Variants in UHRF1 observed in about 807,000 individuals in gnomAD.
UHRF1 encodes ubiquitin like with PHD and ring finger domains 1, also known as E3 ubiquitin-protein ligase UHRF1.
A neutral mutation model predicts 96.5 loss-of-function variants in UHRF1; 9 were observed. The ratio of observed to expected loss-of-function variants is 0.09; its 90% CI spans 0.06 to 0.16. The LOEUF (loss-of-function observed/expected upper bound fraction) is 0.16. Ranked by LOEUF, UHRF1 falls within the 10% of genes least tolerant of loss-of-function variation. The probability of loss-of-function intolerance (pLI) is 1.00; values close to 1 mark genes in which losing one functional copy is unlikely to be tolerated. For synonymous variants in UHRF1, 455 were observed against 469.9 expected (o/e 0.97, Z 0.41); for missense variants, 626 against 1,131.1 (o/e 0.55, Z 6.40).
chr19:4,921,661 G>C (rs1285875509), intron 2 of UHRF1, among the ~76,000 whole-genome samples: 3 of 152,102 alleles, frequency 2.0e-5, no homozygotes, highest in South Asian at 4.1e-4. Flanking sequence ...AGGGGCCGAG[G>C]CGGGAGGGTT....
chr19:4,912,591 A>G (rs1419910656), intron 2 of UHRF1, among the ~76,000 whole-genome samples: 5 of 152,140 alleles, frequency 3.3e-5, no homozygotes, highest in Non-Finnish European at 7.3e-5. Context: ...ATTCTGACTT[A>G]TTAGGTTTAT....
At chr19:4,955,084 C>G (rs929951949) in intron 15 of UHRF1, among the ~76,000 whole-genome samples, 1 of 152,010 alleles carries the variant, frequency 6.6e-6, no homozygotes, top group Non-Finnish European at 1.5e-5. Context: ...TGCTCCCCAG[C>G]CCCTGCACCC....
At position 4,947,408 on chromosome 19, in the gene UHRF1, C is replaced by G. The variant is rs949197659; in HGVS notation, c.1517+197C>G. On this transcript the variant is annotated intron_variant, in intron 11 of 16. Transcript: ENST00000650932. Reference sequence around the variant, plus strand: ...GTGAGCCACTGCGCCTGGTCTGGTTCCTCCCGTATGTGTGCCACATACCGT... The same window carrying G: ...GTGAGCCACTGCGCCTGGTCTGGTTGCTCCCGTATGTGTGCCACATACCGT... Among the ~76,000 whole-genome samples the G allele has an allele frequency of 3.4e-5, 5 of 148,934 alleles. No individual in the cohort carries two copies. In the Middle Eastern group the frequency reaches 0.014, roughly 429 times the overall value.
chr19:4,960,623 A>T (rs1309530729), intron 16 of UHRF1, 34 bp from the exon 17 acceptor site: 1 of 1,607,310 alleles, frequency 6.2e-7, no homozygotes, highest in Non-Finnish European at 8.5e-7. Flanking sequence ...GATGGTGTGG[A>T]TGGCACTTCT....
At chr19:4,924,300 C>A (rs2032798757) in intron 2 of UHRF1, among the ~76,000 whole-genome samples, 1 of 152,204 alleles carries the variant, frequency 6.6e-6, no homozygotes, top group Non-Finnish European at 1.5e-5. Context: ...CAGGTGCCCG[C>A]CACCACGCCT....
rs1455897394 is a variant in UHRF1, at chr19:4,945,847, G to A, written c.1306-14G>A. 6.3e-7 allele frequency: 1 copy of A among 1,596,666 alleles called. No homozygotes were observed. The highest frequency in any genetic ancestry group is 8.5e-7 in the Non-Finnish European group (1 of 1,171,878). On this transcript the variant is annotated splice_polypyrimidine_tract_variant and intron_variant, in intron 9 of 16. Coordinates refer to ENST00000650932, the MANE Select transcript of UHRF1 (RefSeq NM_001048201.3). ...TTGCAGAGGACACCATGTATATCTT[G>A]GTGGCATCCTCAGGTCAGCGAGTCG...
rs1200286664 is a variant in UHRF1, at chr19:4,929,407, G to A, written c.339G>A (p.Ala113=). ...ACAAGTCCTCCACCCACGGTGAGGC[G>A]GCCGCCGAGACTGACAGCAGGCCAG... ...ESDKSSTHGE[A]AAETDSRPAD... The change falls in exon 3 of 17, where the codon GCG becomes GCA. Residue 113 remains alanine (A), a synonymous_variant. Coordinates refer to ENST00000650932, the MANE Select transcript of UHRF1 (RefSeq NM_001048201.3). 24 of 1,613,496 alleles carry A rather than the reference G, an allele frequency of 1.5e-5. No homozygotes were observed. Among genetic ancestry groups the A allele is most frequent in the African/African-American group, 6.7e-5 (5 of 74,926 alleles).
upstream of UHRF1, among the ~76,000 whole-genome samples, chr19:4,908,034 C>G (rs1334520145): frequency 6.6e-6 from 1 of 152,152 alleles, no homozygotes; most frequent in East Asian, 1.9e-4. Context: ...ATTGTAAAGC[C>G]TGCTTCCACT....
chr19:4,934,855 G>A (rs529231846), intron 5 of UHRF1, among the ~76,000 whole-genome samples: 5 of 152,160 alleles, frequency 3.3e-5, no homozygotes, highest in Non-Finnish European at 5.9e-5. Flanking sequence ...GGCCTTAAGC[G>A]CGTGGCTCGG....
chr19:4,917,035 A>C (rs1263894533), intron 2 of UHRF1, among the ~76,000 whole-genome samples: 2 of 147,514 alleles, frequency 1.4e-5, no homozygotes, highest in East Asian at 2.0e-4. Flanking sequence ...AGAGCCCCTG[A>C]ATGTGGCACG....
chr19:4,947,876 T>C (rs2033615678), intron 11 of UHRF1, among the ~76,000 whole-genome samples: 1 of 151,966 alleles, frequency 6.6e-6, no homozygotes. Context: ...GGCTCGAGGA[T>C]ACCTTGAGTT....
rs571381137 is a variant in UHRF1, at chr19:4,930,728, G to A, written c.421G>A (p.Val141Ile). ...ELGLYKVNEY[V>I]DARDTNMGAW... is the part of the protein sequence containing the mutation. ...TCATTCCTCACAGGTCAATGAGTAC[G>A]TCGATGCTCGGGACACGAACATGGG... Residue 141 changes from valine to isoleucine, a missense_variant, in exon 4 of 17, where the codon GTC becomes ATC. Coordinates refer to ENST00000650932, the MANE Select transcript of UHRF1 (RefSeq NM_001048201.3). The surrounding 1 kb of genome is among the most constrained non-coding windows in gnomAD (Gnocchi z 4.4). The A allele has an allele frequency of 1.4e-5, 23 of 1,613,814 alleles. No homozygotes were observed. The highest frequency in any genetic ancestry group is 3.3e-5 in the South Asian group (3 of 91,064).
At chr19:4,924,180 C>T (rs373650694) in intron 2 of UHRF1, among the ~76,000 whole-genome samples, 11 of 152,166 alleles carry the variant, frequency 7.2e-5, no homozygotes, top group East Asian at 1.9e-4. Flanking sequence ...GACGGAGTCT[C>T]GCTCTGTCGC....
At chr19:4,919,493 G>A (rs1056608615) in intron 2 of UHRF1, among the ~76,000 whole-genome samples, 1 of 151,830 alleles carries the variant, frequency 6.6e-6, no homozygotes, top group East Asian at 1.9e-4. Context: ...TAGTAGAGAT[G>A]GAGTTTCACT....
chr19:4,960,387 G>T (rs2033958109), intron 16 of UHRF1, among the ~76,000 whole-genome samples: 1 of 152,218 alleles, frequency 6.6e-6, no homozygotes, highest in Non-Finnish European at 1.5e-5. Context: ...GAGGTGACTT[G>T]AGCTGAGCTG....
intron 11 of UHRF1, among the ~76,000 whole-genome samples, chr19:4,950,247 T>A (rs752174200): frequency 7.9e-4 from 60 of 75,994 alleles, no homozygotes; most frequent in Non-Finnish European, 2.6e-4. Flanking sequence ...AAATATTAAA[T>A]TTTTTTTTTT....
chr19:4,904,677 C>G (rs774643017), upstream of UHRF1, among the ~76,000 whole-genome samples: 19 of 152,176 alleles, frequency 1.2e-4, no homozygotes, highest in Admixed American at 2.6e-4. Context: ...AGGGTGAGAC[C>G]TTGTCTAAGT....
chr19:4,926,564 G>A (rs115810575), intron 2 of UHRF1, among the ~76,000 whole-genome samples: 6 of 152,092 alleles, frequency 3.9e-5, no homozygotes, highest in African/African-American at 9.6e-5. Context: ...CTTGAGCCCC[G>A]GAGTTCAAAA....
At chr19:4,950,248 T>A (rs998267503) in intron 11 of UHRF1, among the ~76,000 whole-genome samples, 1 of 127,472 alleles carries the variant, frequency 7.8e-6, no homozygotes, top group Non-Finnish European at 1.7e-5. Flanking sequence ...AATATTAAAT[T>A]TTTTTTTTTT....
Sources: gnomAD v4.1 joint callset for allele counts (sites outside exome capture counted in the v4.1 genomes callset) on GRCh38, gnomAD v4.1.1 for gene constraint, Gnocchi (gnomAD v3.1) non-coding constraint, MANE v1.5 for transcripts, NCBI Gene and HGNC (gene_info 2026-07-23, HGNC 2026-07-21) for gene names.